Variants in LPGAT1 observed in about 807,000 individuals in gnomAD.
LPGAT1 encodes lysophosphatidylglycerol acyltransferase 1.
In LPGAT1, 11 loss-of-function variants were observed where a neutral mutation model predicts 47.5. The observed-to-expected ratio is 0.23, with a 90% CI of 0.15 to 0.38. The LOEUF is 0.38. LPGAT1 is among the 10% of genes least tolerant of loss of function. The pLI is 1.00. For missense variants in LPGAT1, 293 were observed against 439.0 expected (o/e 0.67, Z 2.97); for synonymous variants, 138 against 144.2 (o/e 0.96, Z 0.31).
chr1:211,757,126 A>T (rs970468734), intron 6 of LPGAT1, among the ~76,000 whole-genome samples: 15 of 151,922 alleles, frequency 9.9e-5, no homozygotes, highest in Non-Finnish European at 2.2e-4. Context: ...ATGTGGTGGC[A>T]GGTGCCTGTA....
intron 2 of LPGAT1, among the ~76,000 whole-genome samples, chr1:211,816,806 A>T (rs1003820991): frequency 1.3e-5 from 2 of 152,230 alleles, no homozygotes; most frequent in African/African-American, 4.8e-5. Context: ...ACTAGCTCAA[A>T]GATAAAACTA....
chr1:211,826,003 T>C (rs1213033199), intron 2 of LPGAT1, among the ~76,000 whole-genome samples: 3 of 152,164 alleles, frequency 2.0e-5, no homozygotes, highest in Non-Finnish European at 2.9e-5. Context: ...ATTACTACTT[T>C]AGTAGCAAGC....
At chr1:211,798,894 G>A (rs138791701) in intron 2 of LPGAT1, among the ~76,000 whole-genome samples, 85 of 152,196 alleles carry the variant, frequency 5.6e-4, no homozygotes, top group African/African-American at 2.0e-3. Flanking sequence ...AGTGGAGACT[G>A]GTGAGGAAAA....
rs1283278309 is a variant in LPGAT1, at chr1:211,830,406, C to A, written c.-28+167G>T. ...CGGGTCCCGGGGAGGCGGGCGGATG[C>A]CCCGCGCCCCCGCCTCCTCCCCGGG... On this transcript the variant is annotated intron_variant, in intron 1 of 7. Coordinates refer to ENST00000366997, the MANE Select transcript of LPGAT1 (RefSeq NM_014873.3). This position sits in a 1 kb window ranked among gnomAD's most constrained non-coding sequence, Gnocchi z 5.9. The A allele has an allele frequency of 1.7e-6, 2 of 1,172,106 alleles. No homozygotes were observed. The highest frequency in any genetic ancestry group is 3.2e-5 in the African/African-American group (2 of 62,060). The allele number at this position is 1,172,106 out of a possible 1,614,324, so 72.6% of individuals were successfully genotyped here. A position where few individuals can be genotyped will look rare whatever the true frequency, so the allele number is the denominator to read the frequency against.
intron 6 of LPGAT1, among the ~76,000 whole-genome samples, chr1:211,773,791 T>G (rs572241461): frequency 6.4e-4 from 98 of 152,282 alleles, no homozygotes; most frequent in African/African-American, 2.3e-3. Flanking sequence ...TCCAGTTTGA[T>G]AGAAATAAAA....
intron 6 of LPGAT1, among the ~76,000 whole-genome samples, chr1:211,766,458 A>T (rs1212100079): frequency 6.6e-6 from 1 of 152,258 alleles, no homozygotes; most frequent in Non-Finnish European, 1.5e-5. Context: ...TGAACATCAT[A>T]GCTTAACCTA....
intron 2 of LPGAT1, among the ~76,000 whole-genome samples, chr1:211,794,835 ACTATATTT>A (rs1659283218): frequency 6.6e-6 from 1 of 152,224 alleles, no homozygotes; most frequent in Non-Finnish European, 1.5e-5. Flanking sequence ...CCAATTTTGC[ACTATATTT>A]CAAAATTAAT....
At chr1:211,759,271 T>G (rs780222595) in intron 6 of LPGAT1, among the ~76,000 whole-genome samples, 11 of 151,578 alleles carry the variant, frequency 7.3e-5, no homozygotes, top group Admixed American at 1.3e-4. Flanking sequence ...TATTTTGTTT[T>G]GGTTTTTTTA....
chr1:211,817,864 C>T (rs1660230770), intron 2 of LPGAT1, among the ~76,000 whole-genome samples: 1 of 152,118 alleles, frequency 6.6e-6, no homozygotes, highest in Admixed American at 6.5e-5. Flanking sequence ...CAGAGTCTCA[C>T]TCTGTCCAGA....
chr1:211,753,600 A>G (rs911499491), intron 6 of LPGAT1, among the ~76,000 whole-genome samples: 6 of 152,166 alleles, frequency 3.9e-5, no homozygotes, highest in African/African-American at 7.2e-5. Context: ...TATGTTTATA[A>G]TAAGTTTTTT....
At chr1:211,772,689 C>T (rs75307223) in intron 6 of LPGAT1, among the ~76,000 whole-genome samples, 26 of 152,034 alleles carry the variant, frequency 1.7e-4, no homozygotes, top group Non-Finnish European at 3.4e-4. Context: ...CTGAAAATAA[C>T]GTAGAGGAAA....
Position 211,744,443 on chromosome 1 carries a change from T to C in LPGAT1, c.*5456A>G, listed in dbSNP as rs1290164576. 1.3e-5 allele frequency: 2 copies of C among 152,228 alleles called. No homozygotes were observed. The highest frequency in any genetic ancestry group is 3.8e-4 in the East Asian group (2 of 5,204). 9.4% of individuals were successfully genotyped at this position (152,228 alleles called of 1,614,324 possible). A position where few individuals can be genotyped will look rare whatever the true frequency, so the allele number is the denominator to read the frequency against. On this transcript the variant is annotated 3_prime_UTR_variant, in exon 8 of 8. Coordinates refer to ENST00000366997, the MANE Select transcript of LPGAT1 (RefSeq NM_014873.3). Reference sequence around the variant, plus strand: ...ACAGTAGATCACGTATCAGATTGAATGATAATAAATTTATTGGGAAATGAG... The same window carrying C: ...ACAGTAGATCACGTATCAGATTGAACGATAATAAATTTATTGGGAAATGAG...
chr1:211,751,013 G>C lies in LPGAT1; in HGVS notation c.909C>G (p.Leu303=), dbSNP rs764305645. The part of the protein sequence containing the change: ...PLETDDLTTW[L]YQRFVEKEDL... ...CTTCTTTTTCAACAAACCGCTGATA[G>C]AGCCAAGTGGTAAGGTCATCAGTCT... Residue 303 remains leucine (L), a synonymous_variant, in exon 7 of 8, where the codon CTC becomes CTG. Coordinates refer to ENST00000366997, the MANE Select transcript of LPGAT1 (RefSeq NM_014873.3). 2.5e-6 allele frequency: 4 copies of C among 1,613,916 alleles called. No individual in the cohort carries two copies. Among genetic ancestry groups the C allele is most frequent in the East Asian group, 2.2e-5 (1 of 44,858 alleles).
intron 5 of LPGAT1, among the ~76,000 whole-genome samples, chr1:211,780,690 T>C (rs1429769734): frequency 6.6e-6 from 1 of 152,192 alleles, no homozygotes; most frequent in Admixed American, 6.5e-5. Context: ...ATGGAGTTTA[T>C]GTAAAGAAAC....
chr1:211,816,381 G>A (rs1188222950), intron 2 of LPGAT1, among the ~76,000 whole-genome samples: 4 of 152,116 alleles, frequency 2.6e-5, no homozygotes, highest in Non-Finnish European at 5.9e-5. Context: ...ACACAGAGAA[G>A]GCACTCAAAT....
At chr1:211,816,514 G>A (rs1216983271) in intron 2 of LPGAT1, among the ~76,000 whole-genome samples, 3 of 152,130 alleles carry the variant, frequency 2.0e-5, no homozygotes, top group African/African-American at 7.2e-5. Flanking sequence ...TTTATTGATT[G>A]ATTAAAGCAA....
chr1:211,792,924 A>C, intron 3 of LPGAT1, 148 bp downstream of exon 3: 1 of 509,314 alleles, frequency 2.0e-6, no homozygotes, highest in Non-Finnish European at 3.6e-6. Context: ...GTTGTCCTGG[A>C]TGGCCTCGAT....
At chr1:211,774,132 C>CTGTTTTTTTT (rs1658289818) in intron 6 of LPGAT1, among the ~76,000 whole-genome samples, 1 of 66,820 alleles carries the variant, frequency 1.5e-5, no homozygotes, top group Non-Finnish European at 2.4e-5. Flanking sequence ...TTTTAAAAGT[C>CTGTTTTTTTT]TTTTTTTTTT....
At chr1:211,751,343 A>G (rs1657173788) in intron 6 of LPGAT1, among the ~76,000 whole-genome samples, 1 of 152,230 alleles carries the variant, frequency 6.6e-6, no homozygotes, top group Admixed American at 6.5e-5. Flanking sequence ...CCTTATATCT[A>G]TGAATAACTA....
Sources: gnomAD v4.1 joint callset for allele counts (sites outside exome capture counted in the v4.1 genomes callset) on GRCh38, gnomAD v4.1.1 for gene constraint, Gnocchi (gnomAD v3.1) non-coding constraint, MANE v1.5 for transcripts, NCBI Gene and HGNC (gene_info 2026-07-23, HGNC 2026-07-21) for gene names.